Variants in SDHAF3 observed in about 807,000 individuals in gnomAD.
SDHAF3 encodes succinate dehydrogenase complex assembly factor 3, also known as succinate dehydrogenase assembly factor 3, mitochondrial.
SDHAF3 carries 18 observed loss-of-function variants against 11.5 expected under a neutral mutation model. That is an observed-to-expected ratio of 1.56 (90% confidence interval 1.08 to 2.32). The LOEUF (loss-of-function observed/expected upper bound fraction) is 2.32, where lower values mean the gene tolerates loss of function less well. SDHAF3 is among the 30% of genes most tolerant of loss of function. The pLI, the probability that SDHAF3 is intolerant of heterozygous loss-of-function variation, is 0.00. For missense variants in SDHAF3, 200 were observed against 154.4 expected, an observed-to-expected ratio of 1.30 and a Z score of -1.57; for synonymous variants, 72 against 59.3, an observed-to-expected ratio of 1.21 and a Z score of -0.99.
intron 1 of SDHAF3, among the ~76,000 whole-genome samples, chr7:97,167,099 G>A (rs1427135318): frequency 6.6e-6 from 1 of 151,642 alleles, no homozygotes; most frequent in Non-Finnish European, 1.5e-5. Context: ...TGTTAGGGTG[G>A]ATTTACGTGT....
chr7:97,146,784 G>T (rs1284425174), intron 1 of SDHAF3, among the ~76,000 whole-genome samples: 1 of 150,364 alleles, frequency 6.7e-6, no homozygotes, highest in African/African-American at 2.4e-5. Flanking sequence ...ATTTTAATAG[G>T]TACCTTTTTT....
chr7:97,132,443 A>G (rs767691376), intron 1 of SDHAF3, among the ~76,000 whole-genome samples: 4 of 152,196 alleles, frequency 2.6e-5, no homozygotes, highest in African/African-American at 4.8e-5. Context: ...TGAGATCAGA[A>G]AATCATCATG....
chr7:97,173,041 T>A (rs1038563544), intron 1 of SDHAF3, among the ~76,000 whole-genome samples: 2 of 152,166 alleles, frequency 1.3e-5, no homozygotes, highest in Non-Finnish European at 2.9e-5. Flanking sequence ...GCACATAACC[T>A]AGATACTTTG....
intron 1 of SDHAF3, among the ~76,000 whole-genome samples, chr7:97,150,562 C>CTTTTTTT (rs34184405): frequency 1.9e-5 from 2 of 104,746 alleles, no homozygotes; most frequent in African/African-American, 3.6e-5. Flanking sequence ...TCTTTTTTTC[C>CTTTTTTT]TTTTTTTTTT....
At chr7:97,128,468 T>C (rs1404441317) in intron 1 of SDHAF3, among the ~76,000 whole-genome samples, 1 of 152,170 alleles carries the variant, frequency 6.6e-6, no homozygotes, top group African/African-American at 2.4e-5. Flanking sequence ...GGAAGACAGG[T>C]GTATGTTTCT....
At chr7:97,180,856 A>G (rs1368820284) in intron 1 of SDHAF3, among the ~76,000 whole-genome samples, 156 bp from the exon 2 acceptor site, 1 of 152,228 alleles carries the variant, frequency 6.6e-6, no homozygotes, top group Non-Finnish European at 1.5e-5. Flanking sequence ...TGATCAATGA[A>G]TTGTATCTTC....
intron 1 of SDHAF3, among the ~76,000 whole-genome samples, chr7:97,137,867 G>A (rs956663594): frequency 7.7e-5 from 7 of 91,092 alleles, no homozygotes; most frequent in African/African-American, 3.1e-4. Flanking sequence ...CATTCCATTC[G>A]CTTTTTTTTT....
intron 1 of SDHAF3, among the ~76,000 whole-genome samples, chr7:97,160,717 G>C (rs1181330983): frequency 1.2e-4 from 19 of 152,242 alleles, no homozygotes; most frequent in Non-Finnish European, 2.4e-4. Context: ...GGTCAGACTT[G>C]AGATTAGGTT....
chr7:97,154,417 T>C (rs1156352691), intron 1 of SDHAF3, among the ~76,000 whole-genome samples: 1 of 152,220 alleles, frequency 6.6e-6, no homozygotes, highest in African/African-American at 2.4e-5. Context: ...GTGCTTATTT[T>C]TCACCTTTAT....
intron 1 of SDHAF3, among the ~76,000 whole-genome samples, chr7:97,172,602 A>G (rs1017232739): frequency 6.6e-6 from 1 of 152,184 alleles, no homozygotes; most frequent in Non-Finnish European, 1.5e-5. Context: ...ATTTTATGCC[A>G]CTTTGGTTCT....
chr7:97,167,557 G>A (rs768408733), intron 1 of SDHAF3, among the ~76,000 whole-genome samples: 9 of 152,182 alleles, frequency 5.9e-5, no homozygotes, highest in Non-Finnish European at 1.3e-4. Flanking sequence ...TAGAGAAAGA[G>A]TAATTCACAC....
At chr7:97,136,731 TAAAA>T (rs1183465370) in intron 1 of SDHAF3, among the ~76,000 whole-genome samples, 4 of 152,198 alleles carry the variant, frequency 2.6e-5, no homozygotes, top group Non-Finnish European at 5.9e-5. Context: ...AGTCTGTAGT[TAAAA>T]AAGTAGATGT....
At chr7:97,167,555 G>C (rs749132267) in intron 1 of SDHAF3, among the ~76,000 whole-genome samples, 1 of 152,296 alleles carries the variant, frequency 6.6e-6, no homozygotes, top group East Asian at 1.9e-4. Flanking sequence ...CATAGAGAAA[G>C]AGTAATTCAC....
At chr7:97,176,275 C>A (rs192198376) in intron 1 of SDHAF3, among the ~76,000 whole-genome samples, 43 of 152,322 alleles carry the variant, frequency 2.8e-4, no homozygotes, top group East Asian at 2.5e-3. Flanking sequence ...CTTGAAGCAG[C>A]TGCTTAACTT....
intron 1 of SDHAF3, among the ~76,000 whole-genome samples, chr7:97,169,060 G>A (rs187431747): frequency 4.9e-4 from 74 of 152,260 alleles, no homozygotes; most frequent in African/African-American, 1.5e-3. Flanking sequence ...GGCTGGGTGC[G>A]GTGGCTCATG....
At chr7:97,165,955 G>A (rs1277920385) in intron 1 of SDHAF3, among the ~76,000 whole-genome samples, 2 of 152,176 alleles carry the variant, frequency 1.3e-5, no homozygotes, top group Non-Finnish European at 2.9e-5. Flanking sequence ...TAAGAAGTCT[G>A]CTATAAAAAA....
At chr7:97,135,321 GGACATTA>G (rs1442937560) in intron 1 of SDHAF3, 1 of 152,040 alleles carries the variant, frequency 6.6e-6, no homozygotes, top group African/African-American at 2.4e-5. Context: ...GATAGTTTGT[GGACATTA>G]GGATCCTTCT....
At chr7:97,163,168 C>CTTTTTTTTTTTT (rs58956333) in intron 1 of SDHAF3, among the ~76,000 whole-genome samples, 1 of 125,030 alleles carries the variant, frequency 8.0e-6, no homozygotes, top group Non-Finnish European at 1.6e-5. Context: ...GTTTAAAGTC[C>CTTTTTTTTTTTT]TTTTTTTTTT....
chr7:97,170,664 T>TTTTC (rs1789591146), intron 1 of SDHAF3, among the ~76,000 whole-genome samples: 1 of 152,208 alleles, frequency 6.6e-6, no homozygotes, highest in African/African-American at 2.4e-5. Flanking sequence ...TCTTGCTTTT[T>TTTTC]TTTCTTTTTA....
Sources: allele counts gnomAD v4.1 joint callset (sites outside exome capture counted in the v4.1 genomes callset), GRCh38; gene constraint gnomAD v4.1.1; transcripts MANE v1.5; gene names NCBI Gene and HGNC (gene_info 2026-07-23, HGNC 2026-07-21).